PCDHA7: variants seen among roughly 807,000 people sequenced by gnomAD.
PCDHA7 encodes protocadherin alpha-7.
A neutral mutation model predicts 57.2 loss-of-function variants in PCDHA7; 37 were observed. That is an observed-to-expected ratio of 0.65 (90% CI 0.50 to 0.85). The LOEUF (loss-of-function observed/expected upper bound fraction) is 0.85, where lower values mean the gene tolerates loss of function less well. PCDHA7 is among the 40% of genes least tolerant of loss of function. The pLI is 0.00. For missense variants in PCDHA7, 1,188 were observed against 1,241.8 expected, an observed-to-expected ratio of 0.96 and a Z score of 0.65; for synonymous variants, 553 against 558.8, an observed-to-expected ratio of 0.99 and a Z score of 0.15.
intron 1 of PCDHA7, chr5:140,849,762 C>T (rs2150448750): frequency 1.3e-6 from 2 of 1,598,528 alleles, no homozygotes; most frequent in Middle Eastern, 1.7e-4. Flanking sequence ...CGCCTACGAG[C>T]TGGTGGTTAC....
chr5:140,937,606 TACTC>T (rs1186588675), intron 1 of PCDHA7, among the ~76,000 whole-genome samples: 2 of 123,664 alleles, frequency 1.6e-5, no homozygotes, highest in Non-Finnish European at 3.5e-5. Context: ...AACAGAGTGA[TACTC>T]CATCTAAAAA....
chr5:140,959,038 A>ATG (rs1387162159), intron 1 of PCDHA7, among the ~76,000 whole-genome samples: 2 of 151,994 alleles, frequency 1.3e-5, no homozygotes, highest in Non-Finnish European at 2.9e-5. Flanking sequence ...ATGGGTATGT[A>ATG]TGTATAGGAA....
Position 140,870,628 on chromosome 5 carries a change from G to A in PCDHA7, c.2355+33890G>A. The A allele has an allele frequency of 4.3e-6, 7 of 1,613,050 alleles. No individual in the cohort carries two copies. The highest frequency in any genetic ancestry group is 5.9e-6 in the Non-Finnish European group (7 of 1,179,794). Reference sequence around the variant, plus strand: ...CCGCGCGCTGTCGAGCTACGTGTCGGTGCACGCGGAGAGCGGCAAGGTGTA... The same window carrying A: ...CCGCGCGCTGTCGAGCTACGTGTCGATGCACGCGGAGAGCGGCAAGGTGTA... On this transcript the variant is annotated intron_variant, in intron 1 of 3. Transcript: ENST00000525929.
intron 1 of PCDHA7, chr5:140,849,515 T>C: frequency 6.3e-7 from 1 of 1,596,992 alleles, no homozygotes; most frequent in Non-Finnish European, 8.6e-7. Context: ...TTGTGGAAGT[T>C]GTGGATGTAA....
intron 1 of PCDHA7, chr5:140,855,801 T>C: frequency 2.1e-6 from 1 of 474,526 alleles, no homozygotes. Context: ...AACATATGAA[T>C]GAAAGAAAAG....
intron 1 of PCDHA7, chr5:140,841,795 C>T (rs2150322842): frequency 6.2e-7 from 1 of 1,613,824 alleles, no homozygotes; most frequent in Non-Finnish European, 8.5e-7. Context: ...AGGGCGCGTC[C>T]GATGCAGATG....
At chr5:140,948,773 G>A (rs991446033) in intron 1 of PCDHA7, among the ~76,000 whole-genome samples, 12 of 151,352 alleles carry the variant, frequency 7.9e-5, no homozygotes, top group Non-Finnish European at 1.6e-4. Context: ...CGAATAGCCA[G>A]CTTTTGGCTT....
chr5:140,836,375 C>T lies in PCDHA7; in HGVS notation c.1992C>T (p.Thr664=), dbSNP rs2150258961. ...AGCCCTCGCTGACAGCCACAGCCAC[C>T]GTGCTGGTGTCGCTGGTGGAAAGCG... ...HGEPSLTATA[T]VLVSLVESGQ... is the part of the protein sequence containing the mutation. The change falls in exon 1 of 4, where the codon ACC becomes ACT. Residue 664 remains threonine (T), a synonymous_variant. Coordinates refer to ENST00000525929, the MANE Select transcript of PCDHA7 (RefSeq NM_018910.3). 7 of 1,613,712 alleles carry T rather than the reference C, an allele frequency of 4.3e-6. No homozygotes were observed. Among genetic ancestry groups the T allele is most frequent in the South Asian group, 1.1e-5 (1 of 91,072 alleles).
At chr5:140,900,058 C>G (rs1013599044) in intron 1 of PCDHA7, among the ~76,000 whole-genome samples, 1 of 152,160 alleles carries the variant, frequency 6.6e-6, no homozygotes, top group Non-Finnish European at 1.5e-5. Flanking sequence ...GATCCTTTAA[C>G]CTCAGCCTCC....
chr5:140,908,142 A>T (rs1371459142), intron 1 of PCDHA7, among the ~76,000 whole-genome samples: 1 of 152,158 alleles, frequency 6.6e-6, no homozygotes, highest in East Asian at 1.9e-4. Context: ...TCCTTCAGGT[A>T]TGTCCTAGGA....
chr5:140,865,866 C>G (rs1004604196), intron 1 of PCDHA7: 1 of 152,128 alleles, frequency 6.6e-6, no homozygotes, highest in Non-Finnish European at 1.5e-5. Context: ...AACATGGTCT[C>G]GGCTAGGAAA....
At chr5:140,926,632 C>T in intron 1 of PCDHA7, 1 of 432,326 alleles carries the variant, frequency 2.3e-6, no homozygotes, top group Admixed American at 4.2e-5. Flanking sequence ...GCGCTGCGCT[C>T]CTCAACACCC....
intron 1 of PCDHA7, chr5:140,842,708 T>C (rs2150342617): frequency 6.3e-7 from 1 of 1,595,018 alleles, no homozygotes; most frequent in African/African-American, 1.3e-5. Context: ...GTACACGGTG[T>C]TCGTGAAGGA....
chr5:140,941,185 C>CTTT (rs782102770), intron 1 of PCDHA7, among the ~76,000 whole-genome samples: 77 of 102,238 alleles, frequency 7.5e-4, no homozygotes, highest in Admixed American at 3.0e-3. Flanking sequence ...CATCCTGCTT[C>CTTT]TTTTTTTTTC....
intron 1 of PCDHA7, among the ~76,000 whole-genome samples, chr5:140,892,079 G>A (rs985463495): frequency 2.0e-5 from 3 of 152,066 alleles, no homozygotes; most frequent in Admixed American, 6.6e-5. Context: ...ATAATTTCTA[G>A]TTTCCTCTCG....
chr5:140,938,698 T>C (rs1430283682), intron 1 of PCDHA7, among the ~76,000 whole-genome samples: 1 of 152,194 alleles, frequency 6.6e-6, no homozygotes, highest in East Asian at 1.9e-4. Context: ...TTTTTAAATA[T>C]ATGTTTATGA....
chr5:140,903,180 T>C (rs149488870), intron 1 of PCDHA7, among the ~76,000 whole-genome samples: 1,613 of 152,324 alleles, frequency 0.011, 17 homozygotes, highest in African/African-American at 0.028. Context: ...TTCCCACCAA[T>C]AGTATAAAAG....
chr5:140,900,446 T>G (rs1344652526), intron 1 of PCDHA7, among the ~76,000 whole-genome samples: 1 of 152,154 alleles, frequency 6.6e-6, no homozygotes, highest in Non-Finnish European at 1.5e-5. Flanking sequence ...GCCGGCTAAT[T>G]TTTTATTTTT....
At position 140,928,712 on chromosome 5, in the gene PCDHA7, G is replaced by A; in HGVS notation, c.2356-50237G>A. 3.1e-6 allele frequency: 5 copies of A among 1,614,168 alleles called. No homozygotes were observed. The highest frequency in any genetic ancestry group is 4.2e-6 in the Non-Finnish European group (5 of 1,180,042). Reference sequence around the variant, plus strand: ...CACATCTCCCGGGCGTCTGACTCTAGTCTCTTTAGAATTTCAGCCAATATA... The same window carrying A: ...CACATCTCCCGGGCGTCTGACTCTAATCTCTTTAGAATTTCAGCCAATATA... On this transcript the variant is annotated intron_variant, in intron 1 of 3. Coordinates refer to ENST00000525929, the MANE Select transcript of PCDHA7 (RefSeq NM_018910.3).
Sources: allele counts gnomAD v4.1 joint callset (sites outside exome capture counted in the v4.1 genomes callset), GRCh38; gene constraint gnomAD v4.1.1; transcripts MANE v1.5; gene names NCBI Gene and HGNC (gene_info 2026-07-23, HGNC 2026-07-21).